The following CLIP2 variants were observed in gnomAD, a reference collection of about 807,000 sequenced individuals.
CLIP2 encodes CAP-Gly domain-containing linker protein 2.
CLIP2 carries 41 observed loss-of-function variants against 111.7 expected under a neutral mutation model. The observed-to-expected ratio is 0.37, with a 90% CI of 0.29 to 0.48. The LOEUF is 0.48. Among genes scored for constraint, CLIP2 ranks in the 20% least tolerant of loss-of-function variants. CLIP2 has a pLI of 0.99. For missense variants in CLIP2, 1,160 were observed against 1,422.1 expected (o/e 0.82, Z 2.96); for synonymous variants, 660 against 644.2 (o/e 1.02, Z -0.37).
At chr7:74,348,498 A>G (rs1789866908) in intron 3 of CLIP2, among the ~76,000 whole-genome samples, 1 of 151,980 alleles carries the variant, frequency 6.6e-6, no homozygotes, top group Non-Finnish European at 1.5e-5. Context: ...TCTTAAAAAA[A>G]GAATGAGAGG....
intron 8 of CLIP2, among the ~76,000 whole-genome samples, chr7:74,372,419 C>T (rs2528480): frequency 5.9e-5 from 7 of 117,820 alleles, no homozygotes; most frequent in Non-Finnish European, 1.2e-4. Context: ...GGGGGGGAGT[C>T]GAGCGGGAAT....
At position 74,340,760 on chromosome 7, in the gene CLIP2, G is replaced by A. The variant is rs188136853; in HGVS notation, c.678+1756G>A. On this transcript the variant is annotated intron_variant, in intron 3 of 16. Coordinates refer to ENST00000223398, the MANE Select transcript of CLIP2 (RefSeq NM_003388.5). ...GTTGGGAAGAGACTCATAGGGTACA[G>A]GGAAGGCCCTGACATGGACTTCTGG... Among the ~76,000 whole-genome samples the A allele has an allele frequency of 5.9e-5, 9 of 152,238 alleles. No homozygotes were observed. In the South Asian group the frequency reaches 1.2e-3, roughly 21 times the overall value.
At chr7:74,289,947 A>AG (rs1787964539) in intron 1 of CLIP2, among the ~76,000 whole-genome samples, 4 of 151,616 alleles carry the variant, frequency 2.6e-5, no homozygotes, top group African/African-American at 7.3e-5. Flanking sequence ...GTAGGAGAGG[A>AG]GGGGGCACTG....
At chr7:74,339,462 C>T (rs513697) in intron 3 of CLIP2, among the ~76,000 whole-genome samples, 92,843 of 151,696 alleles carry the variant, frequency 0.61, 30,385 homozygotes, top group Middle Eastern at 0.74. Flanking sequence ...TGTGCCACCA[C>T]GCCCGGCTAA....
rs1790149808 is a variant in CLIP2 at position 74,356,496 on chromosome 7, A to C, written c.890A>C (p.Lys297Thr). Residue 297 changes from lysine (K) to threonine (T), a missense_variant, in exon 5 of 17, where the codon AAG becomes ACG. Lys to Thr is a moderately conservative substitution (Grantham distance 78). Transcript: ENST00000223398. The part of the protein sequence containing the change: ...RIGFPSTSPA[K>T]AKKTKRMAMG... Reference sequence around the variant, plus strand: ...GGCTTCCCATCTACCAGCCCAGCCAAGGCCAAGAAGACCAAGCGTATGGCC... The same window carrying C: ...GGCTTCCCATCTACCAGCCCAGCCACGGCCAAGAAGACCAAGCGTATGGCC... 6.2e-7 allele frequency: 1 copy of C among 1,614,058 alleles called. No individual in the cohort carries two copies. Among genetic ancestry groups the C allele is most frequent in the South Asian group, 1.1e-5 (1 of 91,094 alleles).
intron 13 of CLIP2, among the ~76,000 whole-genome samples, chr7:74,394,242 C>CTTCTTTTTTTTTTTTTTTTT (rs782731877): frequency 1.7e-5 from 2 of 119,736 alleles, no homozygotes; most frequent in Non-Finnish European, 1.8e-5. Context: ...TCTTTTTCTT[C>CTTCTTTTTTTTTTTTTTTTT]TTATTTTTTT....
At chr7:74,360,361 C>A in intron 7 of CLIP2, 83 bp downstream of exon 7, 1 of 1,027,902 alleles carries the variant, frequency 9.7e-7, no homozygotes, top group Non-Finnish European at 1.5e-6. Flanking sequence ...ATAGCGGACC[C>A]AGGTTCCAGT....
rs189083426 is a variant in CLIP2 at position 74,369,149 on chromosome 7, C to G, written c.1381-3783C>G. 6.6e-5 allele frequency among the ~76,000 whole-genome samples: 10 copies of G among 152,218 alleles called. No homozygotes were observed. In the East Asian group the frequency reaches 1.9e-3, roughly 29 times the overall value. On this transcript the variant is annotated intron_variant, in intron 8 of 16. Transcript: ENST00000223398. ...GTGGATCACTTGAGGTCAGGAGATT[C>G]AGACCAGCCTGGCCAACATGGTGAA...
At chr7:74,381,008 C>A (rs1554313822) in intron 11 of CLIP2, 145 bp downstream of exon 11, 1 of 739,712 alleles carries the variant, frequency 1.4e-6, no homozygotes, top group South Asian at 1.6e-5. Flanking sequence ...TGTACTCCTG[C>A]AAGGGAGGAG....
At chr7:74,397,377 AG>A (rs1242567377) in intron 14 of CLIP2, 144 bp downstream of exon 14, 3 of 932,976 alleles carry the variant, frequency 3.2e-6, no homozygotes, top group African/African-American at 3.3e-5. Flanking sequence ...GAAATCTTCT[AG>A]GACCACAGGC....
chr7:74,364,429 G>A, intron 8 of CLIP2, 114 bp downstream of exon 8: 3 of 871,168 alleles, frequency 3.4e-6, no homozygotes, highest in East Asian at 5.5e-5. Context: ...GGAAGGGGCT[G>A]GGGGGGAAAA....
At position 74,364,197 on chromosome 7, in the gene CLIP2, G is replaced by A. The variant is rs551921284; in HGVS notation, c.1320-58G>A. 532 of 1,506,932 alleles carry A rather than the reference G, an allele frequency of 3.5e-4. 1 individual carries two copies. Among genetic ancestry groups the A allele is most frequent in the Admixed American group, 2.9e-4 (16 of 55,244 alleles). The allele number at this position is 1,506,932 out of a possible 1,614,324, so 93.3% of individuals were successfully genotyped here. The stretch of plus-strand genomic sequence containing the variant: ...TGCCTCTCTCTGCTGTTGCTCATTC[G>A]GTGAATCCCGTTGCTCTGGGCAAAG... On this transcript the variant is annotated intron_variant, in intron 7 of 16. Coordinates refer to ENST00000223398, the MANE Select transcript of CLIP2 (RefSeq NM_003388.5).
At chr7:74,300,806 C>T (rs1282580431) in intron 1 of CLIP2, among the ~76,000 whole-genome samples, 2 of 152,108 alleles carry the variant, frequency 1.3e-5, no homozygotes, top group Non-Finnish European at 2.9e-5. Context: ...AGACATATAC[C>T]GCATTTTCTT....
chr7:74,291,513 C>T (rs1360225961), intron 1 of CLIP2, among the ~76,000 whole-genome samples: 3 of 152,174 alleles, frequency 2.0e-5, no homozygotes, highest in Non-Finnish European at 2.9e-5. Context: ...CTCTCTGCCT[C>T]GACATCCTCA....
At chr7:74,308,621 C>T (rs1482114921) in intron 1 of CLIP2, among the ~76,000 whole-genome samples, 1 of 151,956 alleles carries the variant, frequency 6.6e-6, no homozygotes, top group South Asian at 2.1e-4. Context: ...TCTCCTGCCT[C>T]CACCTCCCAA....
At chr7:74,348,996 A>T (rs529445738) in intron 3 of CLIP2, among the ~76,000 whole-genome samples, 19 of 151,928 alleles carry the variant, frequency 1.3e-4, no homozygotes, top group Middle Eastern at 3.4e-3. Context: ...GAAAAAATTT[A>T]AAAAAATCTT....
Position 74,376,190 on chromosome 7 carries a change from G to T in CLIP2, c.1789G>T (p.Asp597Tyr), listed in dbSNP as rs782740477. ...KYAQEVAGLK[D>Y]KVQQATSENM... ...CGCACAGGAGGTGGCGGGCCTGAAG[G>T]ACAAGGTTCAGCAGGCCACCAGCGA... Residue 597 changes from aspartate to tyrosine, a missense_variant, in exon 10 of 17, where the codon GAC (aspartate) becomes TAC (tyrosine). Coordinates refer to ENST00000223398, the MANE Select transcript of CLIP2 (RefSeq NM_003388.5). This position sits in a 1 kb window ranked among gnomAD's most constrained non-coding sequence, Gnocchi z 7.1. 4.3e-6 allele frequency: 7 copies of T among 1,612,418 alleles called. No homozygotes were observed. The South Asian group carries it at 7.7e-5, about 18-fold the overall frequency.
intron 2 of CLIP2, among the ~76,000 whole-genome samples, chr7:74,336,215 A>C (rs1385397810): frequency 6.6e-6 from 1 of 151,128 alleles, no homozygotes; most frequent in Non-Finnish European, 1.5e-5. Context: ...CTACAGGCAT[A>C]TGCCACCACG....
At chr7:74,360,361 C>G (rs1294399684) in intron 7 of CLIP2, 83 bp downstream of exon 7, 2 of 1,027,784 alleles carry the variant, frequency 1.9e-6, no homozygotes, top group African/African-American at 3.2e-5. Context: ...ATAGCGGACC[C>G]AGGTTCCAGT....
Sources: gnomAD v4.1 joint callset for allele counts (sites outside exome capture counted in the v4.1 genomes callset) on GRCh38, gnomAD v4.1.1 for gene constraint, Gnocchi (gnomAD v3.1) non-coding constraint, MANE v1.5 for transcripts, NCBI Gene and HGNC (gene_info 2026-07-23, HGNC 2026-07-21) for gene names.